The following DMD variants were observed in gnomAD, a reference collection of about 807,000 sequenced individuals.
DMD encodes the protein mutant dystrophin.
In DMD, 63 loss-of-function variants were observed where a neutral mutation model predicts 330.1. That is an observed-to-expected ratio of 0.19 (90% CI 0.16 to 0.24). The LOEUF (loss-of-function observed/expected upper bound fraction) is 0.24. Ranked by LOEUF, DMD falls within the 10% of genes least tolerant of loss-of-function variation. The pLI, the probability that DMD is intolerant of heterozygous loss-of-function variation, is 1.00. For missense variants in DMD, 3,344 were observed against 2,684.1 expected, an observed-to-expected ratio of 1.25 and a Z score of -5.43; for synonymous variants, 1,223 against 959.8, an observed-to-expected ratio of 1.27 and a Z score of -5.07.
intron 1 of DMD, among the ~76,000 whole-genome samples, chrX:33,039,989 G>A (rs2094271836): frequency 9.0e-6 from 1 of 111,006 alleles, no homozygotes; most frequent in Non-Finnish European, 1.9e-5. Context: ...CTTTGGCAGG[G>A]AACTGGAGGA....
chrX:32,431,242 CTTT>C (rs1172933824), intron 29 of DMD, among the ~76,000 whole-genome samples: 3 of 110,803 alleles, frequency 2.7e-5, no homozygotes, highest in South Asian at 3.8e-4. Flanking sequence ...TCTTGATTTT[CTTT>C]TTAAGTAACT....
intron 2 of DMD, among the ~76,000 whole-genome samples, chrX:32,878,096 C>A (rs1018177316): frequency 8.9e-6 from 1 of 112,479 alleles, no homozygotes; most frequent in Non-Finnish European, 1.9e-5. Context: ...TAGGAATGGG[C>A]CGGGCGCGGT....
chrX:32,785,767 TAG>T (rs1356254239), intron 7 of DMD, among the ~76,000 whole-genome samples: 1 of 111,373 alleles, frequency 9.0e-6, no homozygotes, highest in Non-Finnish European at 1.9e-5. Context: ...CGAGATATAA[TAG>T]AGAGAAAAAA....
At chrX:33,103,486 A>T (rs764992796) in intron 1 of DMD, among the ~76,000 whole-genome samples, 10 of 110,883 alleles carry the variant, frequency 9.0e-5, no homozygotes, top group Non-Finnish European at 1.7e-4. Context: ...CTCCTGGCTC[A>T]TCCTGGCTCA....
intron 52 of DMD, among the ~76,000 whole-genome samples, chrX:31,722,905 G>A (rs1232981364): frequency 3.6e-5 from 4 of 110,041 alleles, no homozygotes; most frequent in African/African-American, 6.6e-5. Flanking sequence ...AAAATTAGCT[G>A]GGCATGATGG....
chrX:31,264,926 C>A (rs931143675), intron 62 of DMD, among the ~76,000 whole-genome samples: 5 of 112,399 alleles, frequency 4.4e-5, no homozygotes, highest in Non-Finnish European at 9.4e-5. Context: ...TTTTTAGTTT[C>A]TTAAAAACAA....
intron 16 of DMD, among the ~76,000 whole-genome samples, chrX:32,547,657 T>C (rs1204951753): frequency 9.0e-6 from 1 of 111,448 alleles, no homozygotes; most frequent in Non-Finnish European, 1.9e-5. Context: ...TTATGGCTTA[T>C]AGTTATTGAC....
At chrX:31,733,326 G>A (rs1262876305) in intron 51 of DMD, among the ~76,000 whole-genome samples, 1 of 111,294 alleles carries the variant, frequency 9.0e-6, no homozygotes, top group Non-Finnish European at 1.9e-5. Context: ...CATTAAAATA[G>A]AATTCCACCT....
rs200422567 is a variant in DMD at position 32,807,013 on chromosome X, C to CTAACATCACAT, written c.649+2479_649+2480insATGTGATGTTA. On this transcript the variant is annotated intron_variant, in intron 7 of 78. Coordinates refer to ENST00000357033, the MANE Select transcript of DMD (RefSeq NM_004006.3). ...GCGGGAAAGATCTAAAATCAACACC[C>CTAACATCACAT]TAACATCACAACTGAAAGAACTAGA... 1.4e-3 allele frequency among the ~76,000 whole-genome samples: 148 copies of CTAACATCACAT among 106,567 alleles called. 1 individual carries two copies. The East Asian group carries it at 0.038, about 27-fold the overall frequency. The allele number at this position is 106,567 out of a possible 115,157, so 92.5% of individuals were successfully genotyped here. A position where few individuals can be genotyped will look rare whatever the true frequency, so the allele number is the denominator to read the frequency against.
chrX:31,225,350 G>A (rs949657768), intron 63 of DMD, among the ~76,000 whole-genome samples: 1 of 112,387 alleles, frequency 8.9e-6, no homozygotes, highest in African/African-American at 3.2e-5. Flanking sequence ...TATTACACCA[G>A]GGGTTTCATT....
rs186692125 is a variant in DMD, at chrX:31,480,550, A to G, written c.8548-1447T>C. Among the ~76,000 whole-genome samples, 551 of 76,719 alleles carry G rather than the reference A, an allele frequency of 7.2e-3. 6 individuals are homozygous for G. The East Asian group carries it at 0.1, about 14-fold the overall frequency. The allele number at this position is 76,719 out of a possible 115,157, so 66.6% of individuals were successfully genotyped here. A position where few individuals can be genotyped will look rare whatever the true frequency, so the allele number is the denominator to read the frequency against. On this transcript the variant is annotated intron_variant, in intron 57 of 78. Coordinates refer to ENST00000357033, the MANE Select transcript of DMD (RefSeq NM_004006.3). ...TCCTGATATTTCACTTGAAATCTCC[A>G]TGTTTGTGTGTGTGTGTGTGTGTGT...
intron 1 of DMD, among the ~76,000 whole-genome samples, chrX:33,043,646 C>A (rs180953888): frequency 0.01 from 1,120 of 111,440 alleles, 32 homozygotes; most frequent in Admixed American, 0.068. Context: ...TTGACAAAAC[C>A]AAACTGTCTT....
At chrX:31,997,952 T>C (rs1484211131) in intron 44 of DMD, among the ~76,000 whole-genome samples, 1 of 111,547 alleles carries the variant, frequency 9.0e-6, no homozygotes, top group Non-Finnish European at 1.9e-5. Flanking sequence ...TAAAGCACTT[T>C]ATGGAATTCA....
chrX:32,775,813 T>C (rs1350474770), intron 7 of DMD, among the ~76,000 whole-genome samples: 1 of 113,056 alleles, frequency 8.8e-6, no homozygotes, highest in Non-Finnish European at 1.9e-5. Context: ...TCTTTACTTA[T>C]GCAAATTTCT....
At chrX:31,646,627 C>G (rs1014084876) in intron 54 of DMD, among the ~76,000 whole-genome samples, 1 of 111,696 alleles carries the variant, frequency 9.0e-6, no homozygotes, top group Non-Finnish European at 1.9e-5. Context: ...TGACTACTAA[C>G]AGCTCACAGC....
At chrX:31,394,961 G>GAGAGAGAGAGAGAGAGAGAGAC (rs1569537565) in intron 60 of DMD, among the ~76,000 whole-genome samples, 1 of 109,614 alleles carries the variant, frequency 9.1e-6, no homozygotes, top group Non-Finnish European at 1.9e-5. Flanking sequence ...GAGAGAGAGA[G>GAGAGAGAGAGAGAGAGAGAGAC]ACCAAGTGTG....
At chrX:33,032,730 T>C (rs760390924) in intron 1 of DMD, among the ~76,000 whole-genome samples, 16 of 112,223 alleles carry the variant, frequency 1.4e-4, no homozygotes, top group African/African-American at 5.2e-4. Context: ...ACAATTTAAG[T>C]GGAAAATAAG....
chrX:31,986,296 A>T (rs898777138), intron 44 of DMD, among the ~76,000 whole-genome samples: 20 of 111,848 alleles, frequency 1.8e-4, no homozygotes, highest in African/African-American at 3.6e-4. Context: ...AGATGATAAA[A>T]TTTTTTTTGT....
chrX:31,204,278 T>G (rs2043828889), intron 66 of DMD, among the ~76,000 whole-genome samples, 160 bp from the exon 67 acceptor site: 1 of 112,678 alleles, frequency 8.9e-6, no homozygotes, highest in African/African-American at 3.2e-5. Context: ...ATATTTATTA[T>G]TTTTATGAAT....
Sources: allele counts gnomAD v4.1 joint callset (sites outside exome capture counted in the v4.1 genomes callset), GRCh38; gene constraint gnomAD v4.1.1; transcripts MANE v1.5; gene names NCBI Gene and HGNC (gene_info 2026-07-23, HGNC 2026-07-21).